The following PYGB variants were observed in gnomAD, a reference collection of about 807,000 sequenced individuals.
PYGB encodes the protein glycogen phosphorylase, brain form.
Under a neutral mutation model 94.3 loss-of-function variants are expected in PYGB, and 82 were observed. The observed-to-expected ratio is 0.87, with a 90% CI of 0.73 to 1.04. The LOEUF (loss-of-function observed/expected upper bound fraction) is 1.04. Among genes scored for constraint, PYGB ranks in the 50% least tolerant of loss-of-function variants. The pLI, the probability that PYGB is intolerant of heterozygous loss-of-function variation, is 0.00. For synonymous variants in PYGB, 488 were observed against 479.1 expected, an observed-to-expected ratio of 1.02 and a Z score of -0.24; for missense variants, 1,132 against 1,158.2, an observed-to-expected ratio of 0.98 and a Z score of 0.33.
In PYGB at chr20:25,284,196, C is replaced by G; in HGVS notation, c.1713C>G (p.Ile571Met). 6.2e-7 allele frequency: 1 copy of G among 1,614,136 alleles called. No individual in the cohort carries two copies. The highest frequency in any genetic ancestry group is 8.5e-7 in the Non-Finnish European group (1 of 1,179,990). ...TGTTCGATGTGCATGTGAAGAGGAT[C>G]CACGAGTACAAGCGGCAGCTGCTCA... ...SSMFDVHVKR[I>M]HEYKRQLLNC... Residue 571 changes from isoleucine (I) to methionine (M), a missense_variant, in exon 14 of 20, where the codon ATC (isoleucine) becomes ATG (methionine). Ile to Met is a conservative substitution (Grantham distance 10, BLOSUM62 1). Coordinates refer to ENST00000216962, the MANE Select transcript of PYGB (RefSeq NM_002862.4).
At chr20:25,271,742 C>G (rs141770135) in intron 4 of PYGB, among the ~76,000 whole-genome samples, 1 of 152,292 alleles carries the variant, frequency 6.6e-6, no homozygotes, top group Non-Finnish European at 1.5e-5. Flanking sequence ...GCGTGCAGGA[C>G]ACAGAATCCT....
Position 25,294,768 on chromosome 20 carries a change from T to C in PYGB, c.2312+476T>C, listed in dbSNP as rs558788558. The C allele has an allele frequency of 5.2e-5, 35 of 667,448 alleles. No individual in the cohort carries two copies. In the East Asian group the frequency reaches 9.2e-4, roughly 18 times the overall value. The allele number at this position is 667,448 out of a possible 1,614,324, so 41.3% of individuals were successfully genotyped here. On this transcript the variant is annotated intron_variant, in intron 18 of 19. Coordinates refer to ENST00000216962, the MANE Select transcript of PYGB (RefSeq NM_002862.4). ...TGACATTATAATGTAGTTAGTGTTT[T>C]ATTTCAGTGCAGTTAGCACATGGTA...
intron 2 of PYGB, among the ~76,000 whole-genome samples, chr20:25,263,057 C>T (rs1022029202): frequency 5.5e-4 from 83 of 152,178 alleles, no homozygotes; most frequent in African/African-American, 2.0e-3. Flanking sequence ...GACAGATCAA[C>T]GAGACAGAAA....
chr20:25,267,163 C>CACAT (rs956919210), intron 2 of PYGB, among the ~76,000 whole-genome samples: 5 of 152,188 alleles, frequency 3.3e-5, no homozygotes, highest in Admixed American at 6.5e-5. Flanking sequence ...AGTACAAAGA[C>CACAT]GGGAAGGGCT....
chr20:25,290,480 G>A lies in PYGB; in HGVS notation c.1828-1G>A. ...TAAAAACCTTCACCCTCTCCTTCCA[G>A]GCAGCGCCCGGTTACCACATGGCCA... On this transcript the variant is annotated splice_acceptor_variant, in intron 15 of 19. Coordinates refer to ENST00000216962, the MANE Select transcript of PYGB (RefSeq NM_002862.4). LOFTEE classifies it high-confidence loss of function. 1.9e-6 allele frequency: 3 copies of A among 1,603,802 alleles called. No individual in the cohort carries two copies. The highest frequency in any genetic ancestry group is 2.6e-6 in the Non-Finnish European group (3 of 1,171,108).
rs372320240 is a variant in PYGB, at chr20:25,295,830, G to A, written c.2379+160G>A. Among the ~76,000 whole-genome samples, 4 of 152,364 alleles carry A rather than the reference G, an allele frequency of 2.6e-5. No individual in the cohort carries two copies. In the East Asian group the frequency reaches 5.8e-4, roughly 22 times the overall value. ...TCAGTCGGCTGTGCCTGCCTTTAGGGAAGCTGTCACTGTCAATGTCACTCC... is the reference window on the plus strand; with the variant it reads ...TCAGTCGGCTGTGCCTGCCTTTAGGAAAGCTGTCACTGTCAATGTCACTCC... On this transcript the variant is annotated intron_variant, in intron 19 of 19. Coordinates refer to ENST00000216962, the MANE Select transcript of PYGB (RefSeq NM_002862.4).
At chr20:25,288,598 G>C in intron 15 of PYGB, 115 bp downstream of exon 15, 1 of 1,225,200 alleles carries the variant, frequency 8.2e-7, no homozygotes, top group Non-Finnish European at 1.2e-6. Context: ...CGGATGCCCA[G>C]CGGTCACCGG....
At chr20:25,267,993 A>T (rs2088232372) in intron 2 of PYGB, among the ~76,000 whole-genome samples, 1 of 152,228 alleles carries the variant, frequency 6.6e-6, no homozygotes, top group Non-Finnish European at 1.5e-5. Flanking sequence ...GAGATTTTTT[A>T]AAAATTTAAT....
chr20:25,276,601 G>A (rs377409998), intron 5 of PYGB, 45 bp from the exon 6 acceptor site: 12 of 1,539,480 alleles, frequency 7.8e-6, no homozygotes, highest in African/African-American at 4.1e-5. Flanking sequence ...AGGGGCCGGC[G>A]GGGGCCCTTG....
At chr20:25,292,247 C>A (rs1195548136) in intron 16 of PYGB, among the ~76,000 whole-genome samples, 159 bp from the exon 17 acceptor site, 1 of 150,050 alleles carries the variant, frequency 6.7e-6, no homozygotes, top group African/African-American at 2.5e-5. Context: ...CCAGCCTGGG[C>A]CCCTGTGGGA....
intron 2 of PYGB, among the ~76,000 whole-genome samples, chr20:25,260,321 T>G (rs1467947727): frequency 6.6e-6 from 1 of 152,244 alleles, no homozygotes; most frequent in Non-Finnish European, 1.5e-5. Context: ...CATTATAGAA[T>G]GCATTTTCTT....
At chr20:25,259,400 A>G (rs1320039028) in intron 2 of PYGB, 62 bp downstream of exon 2, 26 of 1,337,632 alleles carry the variant, frequency 1.9e-5, no homozygotes, top group Non-Finnish European at 2.3e-5. Context: ...GTCTGAATCC[A>G]TTTTCCCACA....
intron 1 of PYGB, among the ~76,000 whole-genome samples, chr20:25,256,232 ACT>A (rs751138461): frequency 3.3e-5 from 5 of 151,636 alleles, no homozygotes; most frequent in Non-Finnish European, 7.4e-5. Context: ...TTGGTGTTAC[ACT>A]CTCTTTTCAG....
In PYGB at chr20:25,294,985, T is replaced by C. The variant is rs73598373; in HGVS notation, c.2313-619T>C. The C allele has an allele frequency of 0.043, 68,856 of 1,614,130 alleles. 1,698 individuals carry two copies. The highest frequency in any genetic ancestry group is 0.084 in the Middle Eastern group (507 of 6,058). The stretch of plus-strand genomic sequence containing the variant: ...CTGTTGGCTTCAGTCACACCAGCTC[T>C]GACCACATGCTGGGATCTGGGCTGG... On this transcript the variant is annotated intron_variant, in intron 18 of 19. Transcript: ENST00000216962.
chr20:25,265,886 T>G (rs547330617), intron 2 of PYGB, among the ~76,000 whole-genome samples: 1 of 151,824 alleles, frequency 6.6e-6, no homozygotes, highest in South Asian at 2.1e-4. Flanking sequence ...TGAGCCACCA[T>G]GCCCGGCCGA....
chr20:25,288,189 A>G (rs1600740116), intron 14 of PYGB: 1 of 664,148 alleles, frequency 1.5e-6, no homozygotes, highest in East Asian at 2.8e-5. Context: ...ACCAGCGGGG[A>G]ACCTAAGTGC....
chr20:25,294,222 A>C lies in PYGB; in HGVS notation c.2242A>C (p.Ser748Arg). 1 of 1,606,528 alleles carries C rather than the reference A, an allele frequency of 6.2e-7. No homozygotes were observed. Among genetic ancestry groups the C allele is most frequent in the Non-Finnish European group, 8.5e-7 (1 of 1,175,378 alleles). Reference protein sequence around the residue: ...ELKQAVDQISSGFFSPKEPDC... With the variant: ...ELKQAVDQISRGFFSPKEPDC... ...GAAGCAGGCCGTGGACCAGATCAGCAGTGGCTTTTTTTCTCCCAAGGAGCC... is the reference window on the plus strand; with the variant it reads ...GAAGCAGGCCGTGGACCAGATCAGCCGTGGCTTTTTTTCTCCCAAGGAGCC... Residue 748 changes from serine to arginine, a missense_variant, in exon 18 of 20, where the codon AGT becomes CGT. Transcript: ENST00000216962.
In PYGB at chr20:25,288,480, C is replaced by T. The variant is rs767971889; in HGVS notation, c.1824C>T (p.Gly608=). ...TGCCCAGGACTGTTATGATTGGGGG[C>T]AAGGTGAGTGACTTCCTCTGCAGTC... ...AFVPRTVMIG[G]KAAPGYHMAK... is the part of the protein sequence containing the mutation. The change falls in exon 15 of 20, where the codon GGC becomes GGT. Residue 608 remains glycine (G), a synonymous_variant. Coordinates refer to ENST00000216962, the MANE Select transcript of PYGB (RefSeq NM_002862.4). The T allele has an allele frequency of 6.8e-6, 11 of 1,613,914 alleles. No individual in the cohort carries two copies. In the Admixed American group the frequency reaches 1.8e-4, roughly 27 times the overall value.
At chr20:25,294,691 C>T (rs533818957) in intron 18 of PYGB, 50 of 591,986 alleles carry the variant, frequency 8.4e-5, no homozygotes, top group South Asian at 8.3e-4. Flanking sequence ...CCGCGGCAGG[C>T]GTCAGTGCCA....
Sources: gnomAD v4.1 joint callset for allele counts (sites outside exome capture counted in the v4.1 genomes callset) on GRCh38, gnomAD v4.1.1 for gene constraint, MANE v1.5 for transcripts, NCBI Gene and HGNC (gene_info 2026-07-23, HGNC 2026-07-21) for gene names.